The following NOL4 variants were observed in gnomAD, a reference collection of about 807,000 sequenced individuals.
NOL4 encodes the protein cancer/testis antigen 125.
Under a neutral mutation model 75.9 loss-of-function variants are expected in NOL4, and 17 were observed. That is an observed-to-expected ratio of 0.22 (90% CI 0.15 to 0.34). The LOEUF is 0.34. Ranked by LOEUF, NOL4 falls within the 10% of genes least tolerant of loss-of-function variation. The pLI is 1.00. For synonymous variants in NOL4, 292 were observed against 289.9 expected, an observed-to-expected ratio of 1.01 and a Z score of -0.07; for missense variants, 614 against 793.5, an observed-to-expected ratio of 0.77 and a Z score of 2.72.
At chr18:34,150,535 T>C (rs2081596098) in intron 1 of NOL4, among the ~76,000 whole-genome samples, 1 of 151,588 alleles carries the variant, frequency 6.6e-6, no homozygotes, top group Non-Finnish European at 1.5e-5. Flanking sequence ...TATGCACGTG[T>C]GGAAAAAAGG....
intron 1 of NOL4, among the ~76,000 whole-genome samples, chr18:34,139,228 A>G (rs2081033577): frequency 6.6e-6 from 1 of 152,088 alleles, no homozygotes; most frequent in South Asian, 2.1e-4. Context: ...TTTTCTATTG[A>G]TTGGAATAGT....
At chr18:33,909,128 C>T (rs1184389155) in intron 9 of NOL4, among the ~76,000 whole-genome samples, 1 of 152,034 alleles carries the variant, frequency 6.6e-6, no homozygotes, top group Non-Finnish European at 1.5e-5. Context: ...CACATATGCA[C>T]CTATCAATGT....
At position 33,958,390 on chromosome 18, in the gene NOL4, T is replaced by C; in HGVS notation, c.1085A>G (p.Asp362Gly). The change falls in exon 7 of 11, where the codon GAC becomes GGC. Residue 362 changes from aspartate (D) to glycine (G), a missense_variant. This residue lies in a region of NOL4 where 196 missense variants were observed against 167.9 expected (regional missense o/e 1.17). Coordinates refer to ENST00000261592, the MANE Select transcript of NOL4 (RefSeq NM_003787.5). ...KSPAHSYSSY[D>G]SGKNESVDRG... ...GTCTACACTCTCATTTTTGCCAGAGTCATAGCTGGAGTAACTATGTGCAGG... is the reference window on the plus strand; with the variant it reads ...GTCTACACTCTCATTTTTGCCAGAGCCATAGCTGGAGTAACTATGTGCAGG... 1 of 1,613,464 alleles carries C rather than the reference T, an allele frequency of 6.2e-7. No individual in the cohort carries two copies. Among genetic ancestry groups the C allele is most frequent in the Non-Finnish European group, 8.5e-7 (1 of 1,179,582 alleles).
chr18:33,889,423 A>G (rs2064965090), intron 9 of NOL4, among the ~76,000 whole-genome samples: 1 of 151,826 alleles, frequency 6.6e-6, no homozygotes. Flanking sequence ...AGATTCCAGG[A>G]CCAGACGGAT....
chr18:34,007,891 T>C (rs146445643), intron 6 of NOL4, among the ~76,000 whole-genome samples: 236 of 151,988 alleles, frequency 1.6e-3, no homozygotes, highest in African/African-American at 5.3e-3. Flanking sequence ...AGTTAATAAG[T>C]GGGGGACTTG....
intron 1 of NOL4, among the ~76,000 whole-genome samples, chr18:34,205,597 C>T (rs1452361991): frequency 3.9e-5 from 6 of 152,038 alleles, no homozygotes; most frequent in South Asian, 2.1e-4. Flanking sequence ...AAGAAAGAGA[C>T]GAAAATATTT....
chr18:34,054,057 A>G (rs778009495), intron 5 of NOL4, among the ~76,000 whole-genome samples: 35 of 151,990 alleles, frequency 2.3e-4, no homozygotes, highest in Non-Finnish European at 4.0e-4. Flanking sequence ...AAATTCTCAC[A>G]TAATTATTTT....
intron 1 of NOL4, among the ~76,000 whole-genome samples, chr18:34,210,391 A>T (rs1180031141): frequency 6.6e-6 from 1 of 152,174 alleles, no homozygotes; most frequent in Admixed American, 6.5e-5. Context: ...AGTCTTTGTA[A>T]TGCACTGAAT....
intron 9 of NOL4, among the ~76,000 whole-genome samples, chr18:33,910,487 A>T (rs2066333512): frequency 6.6e-6 from 1 of 151,752 alleles, no homozygotes; most frequent in Non-Finnish European, 1.5e-5. Context: ...CCAGGGCCTC[A>T]GTTCCCTCCC....
intron 1 of NOL4, among the ~76,000 whole-genome samples, chr18:34,201,197 T>C (rs1451291422): frequency 6.6e-6 from 1 of 151,848 alleles, no homozygotes; most frequent in African/African-American, 2.4e-5. Context: ...CATTTATTCT[T>C]ACTTGGAAAT....
In NOL4 at chr18:33,961,095, T is replaced by C. The variant is rs547828724; in HGVS notation, c.1057-2677A>G. Among the ~76,000 whole-genome samples, 44 of 152,032 alleles carry C rather than the reference T, an allele frequency of 2.9e-4. No homozygotes were observed. The East Asian group carries it at 5.4e-3, about 19-fold the overall frequency. ...AGAAGAACTAGTATTAATATATTAA[T>C]ATATTACATTATAAATGGTTTCAAA... is the stretch of plus-strand genomic sequence containing the variant. On this transcript the variant is annotated intron_variant, in intron 6 of 10. Coordinates refer to ENST00000261592, the MANE Select transcript of NOL4 (RefSeq NM_003787.5).
rs1037019242 is a variant in NOL4, at chr18:34,031,676, T to C, written c.773-12075A>G. On this transcript the variant is annotated intron_variant, in intron 5 of 10. Coordinates refer to ENST00000261592, the MANE Select transcript of NOL4 (RefSeq NM_003787.5). ...AAAACACTAAAATTCAATATGAAAG[T>C]GACAGGAACTACCTAAAGTAGAAGG... Among the ~76,000 whole-genome samples the C allele has an allele frequency of 2.0e-5, 3 of 152,130 alleles. No homozygotes were observed. In the East Asian group the frequency reaches 5.8e-4, roughly 29 times the overall value.
At chr18:34,015,869 C>A (rs760607747) in intron 6 of NOL4, among the ~76,000 whole-genome samples, 28 of 152,086 alleles carry the variant, frequency 1.8e-4, no homozygotes, top group Non-Finnish European at 3.4e-4. Flanking sequence ...AGCCAAAAAT[C>A]TTGGAGTCAT....
chr18:33,925,041 T>A (rs1273249183), intron 9 of NOL4, among the ~76,000 whole-genome samples: 1 of 152,162 alleles, frequency 6.6e-6, no homozygotes, highest in Non-Finnish European at 1.5e-5. Context: ...TTCTTACTTG[T>A]GTAAATTTCA....
intron 5 of NOL4, among the ~76,000 whole-genome samples, chr18:34,024,445 TATCCAAA>T (rs1568234555): frequency 6.6e-6 from 1 of 151,528 alleles, no homozygotes; most frequent in Non-Finnish European, 1.5e-5. Context: ...AGTACCTTCA[TATCCAAA>T]AAAGAAAAAA....
chr18:34,215,003 T>A (rs2036780697), intron 1 of NOL4, among the ~76,000 whole-genome samples: 1 of 152,046 alleles, frequency 6.6e-6, no homozygotes. Flanking sequence ...CTTCACCAAG[T>A]GATGGAGAGA....
rs117531088 is a variant in NOL4, at chr18:33,881,065, A to G, written c.1723+2179T>C. 4.5e-4 allele frequency among the ~76,000 whole-genome samples: 66 copies of G among 146,886 alleles called. No individual in the cohort carries two copies. The East Asian group carries it at 0.012, about 27-fold the overall frequency. On this transcript the variant is annotated intron_variant, in intron 10 of 10. Coordinates refer to ENST00000261592, the MANE Select transcript of NOL4 (RefSeq NM_003787.5). ...AAGAAAACAAAACAAAACAAAGCAAAAAAACACAATCTCACATCCCTTGTA... is the reference window on the plus strand; with the variant it reads ...AAGAAAACAAAACAAAACAAAGCAAGAAAACACAATCTCACATCCCTTGTA...
At chr18:33,994,829 T>C (rs2073160549) in intron 6 of NOL4, among the ~76,000 whole-genome samples, 2 of 151,082 alleles carry the variant, frequency 1.3e-5, no homozygotes, top group Admixed American at 1.3e-4. Flanking sequence ...AGAGAAACAA[T>C]AGGCAAAAAC....
intron 6 of NOL4, among the ~76,000 whole-genome samples, chr18:34,018,941 T>A (rs1376917526): frequency 2.0e-5 from 3 of 152,094 alleles, no homozygotes; most frequent in Non-Finnish European, 4.4e-5. Context: ...CTTACACCTA[T>A]CCATCTAGGA....
Sources: gnomAD v4.1 joint callset for allele counts (sites outside exome capture counted in the v4.1 genomes callset) on GRCh38, gnomAD v4.1.1 for gene constraint, gnomAD v4.1.1 regional missense constraint, MANE v1.5 for transcripts, NCBI Gene and HGNC (gene_info 2026-07-23, HGNC 2026-07-21) for gene names.